Variants in USP53 observed in about 807,000 individuals in gnomAD.
USP53 encodes ubiquitin specific peptidase 53.
Under a neutral mutation model 94.9 loss-of-function variants are expected in USP53, and 71 were observed. The observed-to-expected ratio is 0.75, with a 90% CI of 0.62 to 0.91. The LOEUF (loss-of-function observed/expected upper bound fraction) is 0.91. USP53 is among the 40% of genes least tolerant of loss of function. The pLI is 0.00. For synonymous variants in USP53, 375 were observed against 422.7 expected (o/e 0.89, Z 1.39); for missense variants, 1,173 against 1,281.0 (o/e 0.92, Z 1.29).
intron 3 of USP53, among the ~76,000 whole-genome samples, chr4:119,225,868 A>C (rs1297278954): frequency 6.6e-6 from 1 of 152,226 alleles, no homozygotes; most frequent in Non-Finnish European, 1.5e-5. Flanking sequence ...ATTTATTAGC[A>C]AATTAAGTCC....
At chr4:119,241,049 A>G (rs536766053) in intron 5 of USP53, among the ~76,000 whole-genome samples, 2 of 152,264 alleles carry the variant, frequency 1.3e-5, no homozygotes, top group Non-Finnish European at 2.9e-5. Context: ...GGCATTTCAG[A>G]TATTTTTCTG....
At chr4:119,248,939 G>A in intron 7 of USP53, 57 bp downstream of exon 7, 7 of 1,587,772 alleles carry the variant, frequency 4.4e-6, no homozygotes, top group Non-Finnish European at 6.0e-6. Context: ...TTCCTTAGAT[G>A]GTACAAGTGT....
chr4:119,229,128 T>C (rs1429924326), intron 3 of USP53, among the ~76,000 whole-genome samples: 1 of 152,170 alleles, frequency 6.6e-6, no homozygotes, highest in East Asian at 1.9e-4. Context: ...TCAGATACAA[T>C]AGCAATTGCG....
intron 15 of USP53, among the ~76,000 whole-genome samples, chr4:119,270,385 GAC>G (rs898136366): frequency 1.3e-5 from 2 of 151,980 alleles, no homozygotes; most frequent in Non-Finnish European, 2.9e-5. Flanking sequence ...GGGGTACCCA[GAC>G]CTATTATATT....
At chr4:119,252,188 A>C (rs1477730092) in intron 7 of USP53, among the ~76,000 whole-genome samples, 1 of 152,146 alleles carries the variant, frequency 6.6e-6, no homozygotes, top group Non-Finnish European at 1.5e-5. Flanking sequence ...ATTGGCCTAA[A>C]ATTCTCTTTT....
intron 17 of USP53, among the ~76,000 whole-genome samples, chr4:119,287,175 T>G (rs1184709901): frequency 6.6e-6 from 1 of 152,076 alleles, no homozygotes; most frequent in Non-Finnish European, 1.5e-5. Flanking sequence ...GTCTTTTGTA[T>G]GCTAGATACT....
rs368966217 is a variant in USP53, at chr4:119,273,639, A to G, written c.2182A>G (p.Ile728Val). The G allele has an allele frequency of 3.7e-5, 59 of 1,612,886 alleles. No homozygotes were observed. The highest frequency in any genetic ancestry group is 4.9e-5 in the Non-Finnish European group (58 of 1,179,342). ...GTGTATTTTATTTTCTAGTGACCAG[A>G]TTACGACAAGCAACCTAAATAAAGA... Reference protein sequence around the residue: ...VKETVCFSDQITTSNLNKERG... With the variant: ...VKETVCFSDQVTTSNLNKERG... The change falls in exon 17 of 19, where the codon ATT becomes GTT. Residue 728 changes from isoleucine (I) to valine (V), a missense_variant. Physicochemically the swap from Ile to Val is conservative, Grantham distance 29 (BLOSUM62 3). Coordinates refer to ENST00000692078, the MANE Select transcript of USP53 (RefSeq NM_001371395.1).
chr4:119,256,602 A>G, intron 9 of USP53, 79 bp downstream of exon 9: 3 of 1,418,862 alleles, frequency 2.1e-6, no homozygotes, highest in Non-Finnish European at 3.0e-6. Context: ...TTATAAAATC[A>G]TAGCATACAT....
chr4:119,271,178 T>C (rs764400248), intron 15 of USP53, 118 bp from the exon 16 acceptor site: 11 of 1,436,392 alleles, frequency 7.7e-6, no homozygotes, highest in Non-Finnish European at 1.0e-5. Flanking sequence ...TGATATGTAC[T>C]TGTAATTACT....
chr4:119,273,313 C>G (rs1272366412), intron 16 of USP53: 1 of 106,760 alleles, frequency 9.4e-6, no homozygotes, highest in African/African-American at 3.7e-5. Context: ...AAGGTCCTGG[C>G]TCAAAAAAAA....
chr4:119,259,297 G>GT (rs1196508488), intron 9 of USP53, among the ~76,000 whole-genome samples: 27 of 147,888 alleles, frequency 1.8e-4, no homozygotes, highest in South Asian at 1.0e-3. Flanking sequence ...AAAAAAAAAG[G>GT]GGGGGGAGTA....
chr4:119,284,304 C>A (rs902088072), intron 17 of USP53, among the ~76,000 whole-genome samples: 22 of 150,652 alleles, frequency 1.5e-4, no homozygotes, highest in Non-Finnish European at 2.7e-4. Flanking sequence ...AAAAAAAAAA[C>A]CCTATTATTA....
At chr4:119,226,161 G>A (rs542275621) in intron 3 of USP53, among the ~76,000 whole-genome samples, 5 of 152,200 alleles carry the variant, frequency 3.3e-5, no homozygotes, top group African/African-American at 1.2e-4. Flanking sequence ...GGAATAAAGG[G>A]GAACTTACCC....
intron 17 of USP53, among the ~76,000 whole-genome samples, chr4:119,279,101 C>G (rs1417657311): frequency 1.4e-5 from 2 of 148,136 alleles, no homozygotes; most frequent in South Asian, 2.2e-4. Flanking sequence ...TCTCTCAGCT[C>G]GTCAAAGTCA....
chr4:119,260,452 A>G, intron 10 of USP53, 55 bp from the exon 11 acceptor site: 3 of 1,528,072 alleles, frequency 2.0e-6, no homozygotes, highest in East Asian at 2.3e-5. Context: ...AAACTGTGTA[A>G]GGCTGCCTGG....
chr4:119,271,613 A>T lies in USP53; in HGVS notation c.1753A>T (p.Lys585Ter). 1 of 1,613,846 alleles carries T rather than the reference A, an allele frequency of 6.2e-7. No homozygotes were observed. The highest frequency in any genetic ancestry group is 8.5e-7 in the Non-Finnish European group (1 of 1,180,040). ...SSSKSRNRGW[K>*]PMRETLNVDS... ...CAGTAAAAGCCGGAACCGAGGTTGG[A>T]AACCTATGAGAGAAACATTAAATGT... is the stretch of plus-strand genomic sequence containing the variant. The change falls in exon 16 of 19, where the codon AAA becomes TAA. Residue 585 changes from lysine (K) to a stop codon, truncating the protein, a stop_gained. Coordinates refer to ENST00000692078, the MANE Select transcript of USP53 (RefSeq NM_001371395.1). LOFTEE classifies it high-confidence loss of function.
At chr4:119,278,018 G>C (rs1276051963) in intron 17 of USP53, among the ~76,000 whole-genome samples, 31 of 145,238 alleles carry the variant, frequency 2.1e-4, no homozygotes, top group Middle Eastern at 3.6e-3. Flanking sequence ...TGGGTTTCCT[G>C]AATACAGCAC....
chr4:119,241,275 A>G (rs1192810864), intron 5 of USP53, among the ~76,000 whole-genome samples: 3 of 152,260 alleles, frequency 2.0e-5, no homozygotes, highest in Admixed American at 2.0e-4. Flanking sequence ...GCTGACATTT[A>G]CCATGAAGAC....
chr4:119,286,277 ATATT>A (rs1258460795), intron 17 of USP53, among the ~76,000 whole-genome samples: 2 of 151,560 alleles, frequency 1.3e-5, no homozygotes, highest in East Asian at 3.8e-4. Context: ...GATGAAATAT[ATATT>A]TTGATTTCTT....
Sources: gnomAD v4.1 joint callset for allele counts (sites outside exome capture counted in the v4.1 genomes callset) on GRCh38, gnomAD v4.1.1 for gene constraint, MANE v1.5 for transcripts, NCBI Gene and HGNC (gene_info 2026-07-23, HGNC 2026-07-21) for gene names.